Variants in SIRPB2 observed in about 807,000 individuals in gnomAD.
SIRPB2 encodes signal-regulatory protein beta-2.
In SIRPB2, 18 loss-of-function variants were observed where a neutral mutation model predicts 27.1. That is an observed-to-expected ratio of 0.66 (90% CI 0.46 to 0.98). SIRPB2 has a LOEUF of 0.98. SIRPB2 is among the 50% of genes least tolerant of loss of function. The pLI, the probability that SIRPB2 is intolerant of heterozygous loss-of-function variation, is 0.00. For missense variants in SIRPB2, 420 were observed against 417.4 expected (o/e 1.01, Z -0.06); for synonymous variants, 150 against 164.6 (o/e 0.91, Z 0.68).
chr20:1,485,414 C>G (rs1568649376), intron 1 of SIRPB2, among the ~76,000 whole-genome samples: 1 of 151,782 alleles, frequency 6.6e-6, no homozygotes, highest in Non-Finnish European at 1.5e-5. Flanking sequence ...ATATTTTGAA[C>G]TGAAGGAAAA....
chr20:1,476,300 A>C lies in SIRPB2; in HGVS notation c.896T>G (p.Leu299Arg). 1 of 1,613,816 alleles carries C rather than the reference A, an allele frequency of 6.2e-7. No individual in the cohort carries two copies. Among genetic ancestry groups the C allele is most frequent in the East Asian group, 2.2e-5 (1 of 44,860 alleles). Residue 299 changes from leucine to arginine, a missense_variant, in exon 5 of 5, where the codon CTG becomes CGG. By Grantham distance (102) the Leu-to-Arg change is moderately radical (BLOSUM62 -2). Coordinates refer to ENST00000359801, the MANE Select transcript of SIRPB2 (RefSeq NM_001122962.2). ...GAGTGCAGCCAAGGTAATTGCCTTC[A>C]GCCCCAGGACCACAGGTGCGAACAC... Reference protein sequence around the residue: ...LVVFAPVVLGLKAITLAALLL... With the variant: ...LVVFAPVVLGRKAITLAALLL...
intron 4 of SIRPB2, 34 bp from the exon 5 acceptor site, chr20:1,476,370 C>G (rs6033870): frequency 6.3e-7 from 1 of 1,589,064 alleles, no homozygotes; most frequent in Non-Finnish European, 8.6e-7. Flanking sequence ...AGGCGGGACC[C>G]GTGGTGAGGG....
chr20:1,477,015 C>T, intron 4 of SIRPB2: 1 of 1,286,230 alleles, frequency 7.8e-7, no homozygotes, highest in South Asian at 1.5e-5. Flanking sequence ...GGCTTAGCTA[C>T]AAAGCCATGT....
chr20:1,490,163 C>A (rs139948568), intron 1 of SIRPB2, among the ~76,000 whole-genome samples: 86 of 152,268 alleles, frequency 5.6e-4, no homozygotes, highest in African/African-American at 1.9e-3. Flanking sequence ...CTCAAAAGTA[C>A]CTGTGGAATG....
downstream of SIRPB2, among the ~76,000 whole-genome samples, chr20:1,471,963 G>T (rs1445298687): frequency 1.3e-5 from 2 of 152,140 alleles, no homozygotes; most frequent in Non-Finnish European, 2.9e-5. Context: ...CAAGAACCAT[G>T]GGAAGGGAAG....
chr20:1,482,856 G>T (rs2090686477), intron 1 of SIRPB2, among the ~76,000 whole-genome samples: 1 of 151,746 alleles, frequency 6.6e-6, no homozygotes, highest in Non-Finnish European at 1.5e-5. Flanking sequence ...TTCATCCATT[G>T]ATTGACGCTT....
chr20:1,471,091 C>A (rs1273738788), downstream of SIRPB2: 2 of 152,250 alleles, frequency 1.3e-5, no homozygotes, highest in Non-Finnish European at 2.9e-5. Context: ...TGGCTGAAAT[C>A]TTTCTTCCAA....
chr20:1,486,252 T>C (rs1405081291), intron 1 of SIRPB2, among the ~76,000 whole-genome samples: 1 of 151,940 alleles, frequency 6.6e-6, no homozygotes, highest in Non-Finnish European at 1.5e-5. Flanking sequence ...TTTATATTTT[T>C]GGTAGAGGCA....
intron 2 of SIRPB2, 87 bp from the exon 3 acceptor site, chr20:1,478,694 T>C: frequency 8.8e-7 from 1 of 1,132,170 alleles, no homozygotes; most frequent in Non-Finnish European, 1.2e-6. Context: ...CCTCCCTTCC[T>C]TCTTTCCAGA....
chr20:1,477,657 A>G (rs1946908382), intron 3 of SIRPB2, among the ~76,000 whole-genome samples: 1 of 152,132 alleles, frequency 6.6e-6, no homozygotes, highest in Non-Finnish European at 1.5e-5. Flanking sequence ...CATGTAGTAG[A>G]TGTTTGTTGA....
Position 1,478,256 on chromosome 20 carries a change from A to G in SIRPB2, c.793+10T>C, listed in dbSNP as rs770708304. ...CGCTCTCCCGACAAGTCCAAAACCA[A>G]TTGTCTCACCTTTCACTTTCAGGCT... On this transcript the variant is annotated intron_variant, in intron 3 of 4. Transcript: ENST00000359801. The G allele has an allele frequency of 2.5e-6, 4 of 1,607,708 alleles. No homozygotes were observed. The highest frequency in any genetic ancestry group is 2.2e-5 in the East Asian group (1 of 44,732).
chr20:1,490,294 G>C (rs1480176160), intron 1 of SIRPB2, among the ~76,000 whole-genome samples: 4 of 152,154 alleles, frequency 2.6e-5, no homozygotes, highest in Non-Finnish European at 4.4e-5. Flanking sequence ...CCACACCTGG[G>C]TTCTGCCAGG....
intron 1 of SIRPB2, chr20:1,480,354 A>G (rs2090658667): frequency 3.0e-6 from 1 of 337,848 alleles, no homozygotes; most frequent in Non-Finnish European, 5.4e-6. Context: ...TGTAAGGTAA[A>G]TGGCATCATT....
chr20:1,478,730 GCTTT>G, intron 2 of SIRPB2, 123 bp from the exon 3 acceptor site: 1 of 777,034 alleles, frequency 1.3e-6, no homozygotes, highest in South Asian at 2.0e-5. Flanking sequence ...ACTCCTTCCT[GCTTT>G]CTTTATTACT....
chr20:1,478,797 G>A lies in SIRPB2; in HGVS notation c.452-190C>T, dbSNP rs187942193. 9.0e-4 allele frequency among the ~76,000 whole-genome samples: 137 copies of A among 152,282 alleles called. 1 individual carries two copies. Among genetic ancestry groups the A allele is most frequent in the African/African-American group, 3.2e-3 (134 of 41,554 alleles). ...CTCTGAGTACCTACTACATACCAATGGTAGGATTGGGGAACATGAAACTCA... is the reference window on the plus strand; with the variant it reads ...CTCTGAGTACCTACTACATACCAATAGTAGGATTGGGGAACATGAAACTCA... On this transcript the variant is annotated intron_variant, in intron 2 of 4. Transcript: ENST00000359801.
chr20:1,480,168 C>A, intron 1 of SIRPB2, 103 bp from the exon 2 acceptor site: 2 of 1,418,706 alleles, frequency 1.4e-6, no homozygotes, highest in Non-Finnish European at 1.9e-6. Flanking sequence ...GAACAATGGC[C>A]CAGGATAAGA....
intron 1 of SIRPB2, among the ~76,000 whole-genome samples, chr20:1,482,797 C>A (rs986000432): frequency 2.6e-5 from 4 of 151,724 alleles, no homozygotes; most frequent in South Asian, 2.1e-4. Flanking sequence ...AATAGTATTC[C>A]ATTGTGGGTG....
intron 2 of SIRPB2, 146 bp downstream of exon 2, chr20:1,479,554 C>T (rs2090645041): frequency 2.3e-6 from 3 of 1,289,532 alleles, no homozygotes; most frequent in Middle Eastern, 2.8e-4. Context: ...CACCCAGCCA[C>T]ATGTAAATGT....
intron 1 of SIRPB2, among the ~76,000 whole-genome samples, chr20:1,481,066 T>A (rs977370853): frequency 1.3e-5 from 2 of 152,250 alleles, no homozygotes; most frequent in Admixed American, 6.5e-5. Context: ...GGCTGAGGCC[T>A]CCCATGGATA....
Sources: gnomAD v4.1 joint callset for allele counts (sites outside exome capture counted in the v4.1 genomes callset) on GRCh38, gnomAD v4.1.1 for gene constraint, MANE v1.5 for transcripts, NCBI Gene and HGNC (gene_info 2026-07-23, HGNC 2026-07-21) for gene names.